Variants in JAZF1 observed in about 807,000 individuals in gnomAD.
The protein encoded by JAZF1 is JAZF zinc finger 1.
In JAZF1, 8 loss-of-function variants were observed where a neutral mutation model predicts 26.4. The observed-to-expected ratio is 0.30, with a 90% CI of 0.18 to 0.55. JAZF1 has a LOEUF of 0.55. Among genes scored for constraint, JAZF1 ranks in the 20% least tolerant of loss-of-function variants. The probability of loss-of-function intolerance (pLI) is 0.94; values close to 1 mark genes in which losing one functional copy is unlikely to be tolerated. For missense variants in JAZF1, 199 were observed against 322.0 expected (o/e 0.62, Z 2.92); for synonymous variants, 126 against 122.3 (o/e 1.03, Z -0.20).
chr7:27,953,646 C>T (rs1036296563), intron 2 of JAZF1, among the ~76,000 whole-genome samples: 11 of 152,188 alleles, frequency 7.2e-5, no homozygotes, highest in African/African-American at 2.7e-4. Flanking sequence ...ATGCACACAC[C>T]TATATTCTTT....
intron 1 of JAZF1, among the ~76,000 whole-genome samples, chr7:28,142,763 T>G (rs1012208084): frequency 6.6e-6 from 1 of 152,162 alleles, no homozygotes; most frequent in African/African-American, 2.4e-5. Flanking sequence ...TACTTCTGGG[T>G]AGGACAACAA....
chr7:28,110,614 G>C (rs1784645250), intron 1 of JAZF1, among the ~76,000 whole-genome samples: 1 of 125,632 alleles, frequency 8.0e-6, no homozygotes, highest in Non-Finnish European at 1.7e-5. Flanking sequence ...AAAAGGAAAG[G>C]AAAAGGAAAG....
At chr7:27,860,255 T>C (rs1212688087) in intron 3 of JAZF1, among the ~76,000 whole-genome samples, 1 of 152,242 alleles carries the variant, frequency 6.6e-6, no homozygotes, top group Non-Finnish European at 1.5e-5. Context: ...TAACTTCTCT[T>C]TGTATAAATT....
At position 27,840,968 on chromosome 7, in the gene JAZF1, C is replaced by T. The variant is rs781426216; in HGVS notation, c.386-101G>A. 6.4e-6 allele frequency: 8 copies of T among 1,259,198 alleles called. No individual in the cohort carries two copies. The highest frequency in any genetic ancestry group is 1.4e-5 in the South Asian group (1 of 73,210). 78.0% of individuals were successfully genotyped at this position (1,259,198 alleles called of 1,614,324 possible). On this transcript the variant is annotated intron_variant, in intron 3 of 4. Transcript: ENST00000283928. This position sits in a 1 kb window ranked among gnomAD's most constrained non-coding sequence, Gnocchi z 5.1. ...AGGAGATGTGGCCGTGGCAGAGCAG[C>T]GCTGACGGCCCAGGGAGAGGGCACT...
At chr7:28,148,852 G>A (rs906939673) in intron 1 of JAZF1, among the ~76,000 whole-genome samples, 2 of 152,238 alleles carry the variant, frequency 1.3e-5, no homozygotes, top group African/African-American at 4.8e-5. Flanking sequence ...TCACTGCTGA[G>A]TGAATGACAC....
chr7:28,044,106 G>A (rs145496009), intron 1 of JAZF1, among the ~76,000 whole-genome samples: 1 of 152,218 alleles, frequency 6.6e-6, no homozygotes, highest in East Asian at 1.9e-4. Context: ...CCATTAAATG[G>A]TACCCTTTAA....
intron 1 of JAZF1, among the ~76,000 whole-genome samples, chr7:28,019,431 C>G (rs182531713): frequency 6.6e-6 from 1 of 152,234 alleles, no homozygotes; most frequent in Non-Finnish European, 1.5e-5. Context: ...GGGGTAAACG[C>G]GACCTTAGCA....
chr7:28,028,610 C>G (rs1003715796), intron 1 of JAZF1, among the ~76,000 whole-genome samples: 1 of 152,190 alleles, frequency 6.6e-6, no homozygotes, highest in African/African-American at 2.4e-5. Context: ...TTAATATGTA[C>G]AAATAAAGAT....
intron 1 of JAZF1, among the ~76,000 whole-genome samples, chr7:28,099,390 A>C (rs1031192081): frequency 1.3e-5 from 2 of 152,086 alleles, no homozygotes; most frequent in African/African-American, 4.8e-5. Flanking sequence ...ACAGCTAATA[A>C]ATTCCAGCTT....
intron 2 of JAZF1, among the ~76,000 whole-genome samples, chr7:27,937,623 T>C (rs930848192): frequency 2.6e-5 from 4 of 152,168 alleles, no homozygotes; most frequent in Non-Finnish European, 5.9e-5. Flanking sequence ...TTACTGCTTA[T>C]AAACAAGAAA....
chr7:28,159,894 C>T (rs982006025), intron 1 of JAZF1, among the ~76,000 whole-genome samples: 8 of 152,252 alleles, frequency 5.3e-5, no homozygotes, highest in Middle Eastern at 3.4e-3. Context: ...CCTGATACCC[C>T]TTATAAGCGA....
chr7:27,950,481 GA>G (rs1464352331), intron 2 of JAZF1, among the ~76,000 whole-genome samples: 1 of 152,142 alleles, frequency 6.6e-6, no homozygotes, highest in Non-Finnish European at 1.5e-5. Flanking sequence ...GACTACCAAT[GA>G]AAAGCCACTA....
At chr7:28,018,825 G>A (rs1334702912) in intron 1 of JAZF1, among the ~76,000 whole-genome samples, 1 of 152,194 alleles carries the variant, frequency 6.6e-6, no homozygotes, top group Non-Finnish European at 1.5e-5. Context: ...GCTCCATGAT[G>A]TATTCCACAT....
intron 1 of JAZF1, among the ~76,000 whole-genome samples, chr7:28,092,472 A>G (rs986403882): frequency 1.3e-5 from 2 of 149,024 alleles, no homozygotes; most frequent in African/African-American, 2.6e-5. Context: ...GGGATAAGCA[A>G]TATTAAAAGT....
chr7:28,155,519 A>C (rs1783169456), intron 1 of JAZF1, among the ~76,000 whole-genome samples: 1 of 152,224 alleles, frequency 6.6e-6, no homozygotes, highest in Admixed American at 6.5e-5. Context: ...TCGAGGCAAG[A>C]GGAGAAATTC....
intron 3 of JAZF1, among the ~76,000 whole-genome samples, chr7:27,888,717 A>T (rs556006805): frequency 2.3e-4 from 35 of 152,392 alleles, no homozygotes; most frequent in African/African-American, 8.4e-4. Context: ...ATACACAGGA[A>T]TATGAAGTAA....
chr7:27,853,370 G>A (rs1032334272), intron 3 of JAZF1, among the ~76,000 whole-genome samples: 2 of 152,134 alleles, frequency 1.3e-5, no homozygotes, highest in Admixed American at 1.3e-4. Flanking sequence ...GATTTTCTCA[G>A]GGTCCTCTGG....
intron 3 of JAZF1, among the ~76,000 whole-genome samples, chr7:27,869,881 A>G (rs574337204): frequency 6.6e-6 from 1 of 152,118 alleles, no homozygotes; most frequent in South Asian, 2.1e-4. Flanking sequence ...CCCCTCCACC[A>G]TCAAGCCCTG....
intron 1 of JAZF1, among the ~76,000 whole-genome samples, chr7:28,093,704 A>G (rs1784338408): frequency 6.6e-6 from 1 of 152,072 alleles, no homozygotes. Flanking sequence ...ATTCAGGGGG[A>G]AATGAAGAGA....
Sources: allele counts gnomAD v4.1 joint callset (sites outside exome capture counted in the v4.1 genomes callset), GRCh38; gene constraint gnomAD v4.1.1; non-coding constraint Gnocchi (gnomAD v3.1); transcripts MANE v1.5; gene names NCBI Gene and HGNC (gene_info 2026-07-23, HGNC 2026-07-21).